Variants in MARCHF8 observed in about 807,000 individuals in gnomAD.
MARCHF8 encodes the protein membrane associated ring-CH-type finger 8.
A neutral mutation model predicts 51.6 loss-of-function variants in MARCHF8; 40 were observed. The observed-to-expected ratio is 0.77, with a 90% CI of 0.60 to 1.01. The LOEUF (loss-of-function observed/expected upper bound fraction) is 1.01, where lower values mean the gene tolerates loss of function less well. MARCHF8 is among the 50% of genes least tolerant of loss of function. MARCHF8 has a pLI of 0.00. For synonymous variants in MARCHF8, 263 were observed against 280.3 expected, an observed-to-expected ratio of 0.94 and a Z score of 0.62; for missense variants, 685 against 708.6, an observed-to-expected ratio of 0.97 and a Z score of 0.38.
chr10:45,540,947 AG>A (rs996433967), intron 1 of MARCHF8, among the ~76,000 whole-genome samples: 178 of 152,364 alleles, frequency 1.2e-3, no homozygotes, highest in African/African-American at 3.9e-3. Context: ...GTGGAGAAAT[AG>A]GAACACTTTT....
intron 1 of MARCHF8, among the ~76,000 whole-genome samples, chr10:45,557,157 C>T (rs1434027194): frequency 5.0e-5 from 5 of 100,502 alleles, no homozygotes; most frequent in East Asian, 3.2e-4. Context: ...ACGGGAGTTT[C>T]GCTCTTGTTG....
chr10:45,537,201 A>G (rs1325265722), upstream of MARCHF8, among the ~76,000 whole-genome samples: 1 of 152,202 alleles, frequency 6.6e-6, no homozygotes, highest in Non-Finnish European at 1.5e-5. Flanking sequence ...TTTCTATCAC[A>G]TTACTCATGA....
chr10:45,581,519 T>C (rs765094972), intron 1 of MARCHF8, among the ~76,000 whole-genome samples: 3 of 152,162 alleles, frequency 2.0e-5, no homozygotes, highest in African/African-American at 2.4e-5. Flanking sequence ...ATTAATTAAT[T>C]AATCAAATAA....
intron 1 of MARCHF8, chr10:45,593,362 T>C (rs533503578): frequency 2.6e-5 from 4 of 152,164 alleles, no homozygotes; most frequent in African/African-American, 7.2e-5. Context: ...TACCACCTCA[T>C]ACTGTTTATA....
At chr10:45,495,987 T>C (rs180913039) in intron 2 of MARCHF8, among the ~76,000 whole-genome samples, 104 of 152,122 alleles carry the variant, frequency 6.8e-4, no homozygotes, top group Admixed American at 5.8e-3. Context: ...AGCTGACTTA[T>C]CCTCAGAAAC....
At chr10:45,571,870 C>T (rs974400339) in intron 1 of MARCHF8, among the ~76,000 whole-genome samples, 5 of 152,130 alleles carry the variant, frequency 3.3e-5, no homozygotes, top group Non-Finnish European at 5.9e-5. Flanking sequence ...ATGTTTTATC[C>T]GTGGACCCAA....
intron 2 of MARCHF8, among the ~76,000 whole-genome samples, chr10:45,493,349 G>C (rs944018636): frequency 2.6e-5 from 4 of 152,214 alleles, no homozygotes; most frequent in Non-Finnish European, 5.9e-5. Flanking sequence ...AACACATTCA[G>C]TCACTGCTTA....
chr10:45,518,984 T>A (rs2043663872), intron 2 of MARCHF8, among the ~76,000 whole-genome samples: 1 of 152,108 alleles, frequency 6.6e-6, no homozygotes, highest in African/African-American at 2.4e-5. Flanking sequence ...ACAAAAGAAG[T>A]AACAAGGATC....
At chr10:45,533,905 C>T (rs1367746192) in intron 1 of MARCHF8, among the ~76,000 whole-genome samples, 4 of 152,286 alleles carry the variant, frequency 2.6e-5, no homozygotes, top group South Asian at 2.1e-4. Context: ...GTAAATGGGC[C>T]GGGTGCGGTG....
chr10:45,504,439 C>T (rs767227950), intron 2 of MARCHF8, among the ~76,000 whole-genome samples: 1 of 152,118 alleles, frequency 6.6e-6, no homozygotes, highest in Non-Finnish European at 1.5e-5. Context: ...AGCGAAACTC[C>T]GTCTCGAAAA....
intron 1 of MARCHF8, among the ~76,000 whole-genome samples, chr10:45,550,368 T>A (rs918022489): frequency 5.9e-5 from 9 of 152,216 alleles, no homozygotes; most frequent in Non-Finnish European, 7.3e-5. Flanking sequence ...GCATCTTTAG[T>A]AGGCTGACAG....
intron 1 of MARCHF8, among the ~76,000 whole-genome samples, chr10:45,564,208 G>A (rs749445793): frequency 3.0e-4 from 46 of 152,164 alleles, no homozygotes; most frequent in Non-Finnish European, 5.3e-4. Context: ...CCTGGGAAGC[G>A]GAAGCTGCAG....
Position 45,463,694 on chromosome 10 carries a change from C to T in MARCHF8, c.545G>A (p.Gly182Glu). Residue 182 changes from glycine (G) to glutamate (E), a missense_variant, in exon 5 of 8, where the codon GGG becomes GAG. Coordinates refer to ENST00000453424, the MANE Select transcript of MARCHF8 (RefSeq NM_001282866.2). The stretch of plus-strand genomic sequence containing the variant: ...CGTATCTTGAGGGAGTATTAATTTC[C>T]CTTCAGAACAAGTTCTTTCCACATA... ...FAYVERTCSE[G>E]KLILPQDTCL... 8.4e-6 allele frequency: 13 copies of T among 1,550,908 alleles called. 1 individual carries two copies. The highest frequency in any genetic ancestry group is 2.4e-5 in the South Asian group (2 of 84,064).
intron 3 of MARCHF8, among the ~76,000 whole-genome samples, chr10:45,479,929 A>C (rs563580399): frequency 6.6e-6 from 1 of 152,316 alleles, no homozygotes; most frequent in East Asian, 1.9e-4. Context: ...GGCTCAGAAG[A>C]AGACAGGAAA....
chr10:45,530,360 T>C lies in MARCHF8; in HGVS notation c.102+2750A>G, dbSNP rs148310646. Among the ~76,000 whole-genome samples, 236 of 152,346 alleles carry C rather than the reference T, an allele frequency of 1.5e-3. 1 individual carries two copies. The highest frequency in any genetic ancestry group is 5.6e-3 in the African/African-American group (231 of 41,578). ...CACTATTCAGGTGGTGTAACAACAC[T>C]GCACTTGTACTAAATCTATAAATAA... On this transcript the variant is annotated intron_variant, in intron 2 of 7. Coordinates refer to ENST00000453424, the MANE Select transcript of MARCHF8 (RefSeq NM_001282866.2).
chr10:45,495,964 C>T (rs1422526184), intron 2 of MARCHF8, among the ~76,000 whole-genome samples: 4 of 151,998 alleles, frequency 2.6e-5, no homozygotes, highest in Non-Finnish European at 5.9e-5. Context: ...ATGGGAACCA[C>T]AAAAAGATTA....
upstream of MARCHF8, among the ~76,000 whole-genome samples, chr10:45,537,125 A>C (rs71496613): frequency 0.062 from 9,368 of 152,090 alleles, 330 homozygotes; most frequent in Non-Finnish European, 0.066. Flanking sequence ...AACAACTTCA[A>C]TCCTAGGGTA....
intron 2 of MARCHF8, among the ~76,000 whole-genome samples, chr10:45,502,601 GCTCATCAGGAAACC>G (rs1313732532): frequency 1.3e-5 from 2 of 152,260 alleles, no homozygotes; most frequent in East Asian, 3.9e-4. Context: ...ACTGTGTCTT[GCTCATCAGGAAACC>G]CTCAAGGCCA....
chr10:45,570,962 G>C (rs1259927813), intron 1 of MARCHF8, among the ~76,000 whole-genome samples: 1 of 152,204 alleles, frequency 6.6e-6, no homozygotes, highest in Non-Finnish European at 1.5e-5. Flanking sequence ...TACCATGTTT[G>C]TAATTCGAAA....
Sources: gnomAD v4.1 joint callset for allele counts (sites outside exome capture counted in the v4.1 genomes callset) on GRCh38, gnomAD v4.1.1 for gene constraint, MANE v1.5 for transcripts, NCBI Gene and HGNC (gene_info 2026-07-23, HGNC 2026-07-21) for gene names.